Variants in ZNF609 observed in about 807,000 individuals in gnomAD.
The protein encoded by ZNF609 is zinc finger protein 609.
A neutral mutation model predicts 109.5 loss-of-function variants in ZNF609; 11 were observed. The ratio of observed to expected loss-of-function variants is 0.10; its 90% CI spans 0.06 to 0.17. The LOEUF (loss-of-function observed/expected upper bound fraction) is 0.17, where lower values mean the gene tolerates loss of function less well. Among genes scored for constraint, ZNF609 ranks in the 10% least tolerant of loss-of-function variants. ZNF609 has a pLI of 1.00. For missense variants in ZNF609, 1,559 were observed against 1,772.4 expected (o/e 0.88, Z 2.16); for synonymous variants, 646 against 662.0 (o/e 0.98, Z 0.37).
At chr15:64,494,044 G>C (rs1486517202) in intron 1 of ZNF609, among the ~76,000 whole-genome samples, 1 of 152,186 alleles carries the variant, frequency 6.6e-6, no homozygotes, top group Non-Finnish European at 1.5e-5. Context: ...TGGAAACCTA[G>C]ATTTCTGAAA....
At chr15:64,571,784 C>T (rs914132330) in intron 2 of ZNF609, among the ~76,000 whole-genome samples, 1 of 152,156 alleles carries the variant, frequency 6.6e-6, no homozygotes, top group Non-Finnish European at 1.5e-5. Flanking sequence ...GTTCTCCTGC[C>T]TCAGCCTCCC....
chr15:64,613,666 T>C (rs113466512), intron 2 of ZNF609, among the ~76,000 whole-genome samples: 7,315 of 152,142 alleles, frequency 0.048, 234 homozygotes, highest in South Asian at 0.086. Flanking sequence ...TTCTCCTGCC[T>C]CAGCCTCCCG....
chr15:64,598,742 G>GTGTGTA (rs1477685716), intron 2 of ZNF609, among the ~76,000 whole-genome samples: 1 of 60,276 alleles, frequency 1.7e-5, no homozygotes, highest in African/African-American at 6.5e-5. Flanking sequence ...CTTTGTGTGT[G>GTGTGTA]TATATATATA....
chr15:64,548,082 T>A (rs1256075017), intron 2 of ZNF609, among the ~76,000 whole-genome samples: 1 of 152,230 alleles, frequency 6.6e-6, no homozygotes, highest in Non-Finnish European at 1.5e-5. Context: ...AACTGAATTG[T>A]CTAATTTGCA....
chr15:64,470,556 C>T (rs976058613), intron 1 of ZNF609: 1 of 151,892 alleles, frequency 6.6e-6, no homozygotes, highest in African/African-American at 2.4e-5. Flanking sequence ...TGAAGTCGCT[C>T]TGTTGCCCAG....
intron 3 of ZNF609, among the ~76,000 whole-genome samples, chr15:64,656,462 A>G: frequency 6.6e-6 from 1 of 151,946 alleles, no homozygotes; most frequent in East Asian, 1.9e-4. Flanking sequence ...CTTTTTCCAT[A>G]TCTCCTTCCT....
At chr15:64,511,807 T>C (rs1324341995) in intron 2 of ZNF609, among the ~76,000 whole-genome samples, 1 of 151,006 alleles carries the variant, frequency 6.6e-6, no homozygotes. Flanking sequence ...CTCTGCCTCC[T>C]GGGTTCAAGT....
intron 3 of ZNF609, 72 bp downstream of exon 3, chr15:64,623,124 T>C: frequency 7.0e-7 from 1 of 1,435,880 alleles, no homozygotes; most frequent in Non-Finnish European, 9.8e-7. Context: ...GGACTTATTG[T>C]TGTAAATATT....
At chr15:64,668,350 A>AG (rs1033265829) in intron 3 of ZNF609, among the ~76,000 whole-genome samples, 2 of 152,218 alleles carry the variant, frequency 1.3e-5, no homozygotes, top group African/African-American at 4.8e-5. Context: ...GGAAGAAAGA[A>AG]GGCAGACCAG....
intron 2 of ZNF609, among the ~76,000 whole-genome samples, chr15:64,594,154 A>G (rs1199216942): frequency 6.6e-6 from 1 of 152,224 alleles, no homozygotes; most frequent in Non-Finnish European, 1.5e-5. Flanking sequence ...CAGGTAGCTG[A>G]AAGGGCACTG....
intron 1 of ZNF609, among the ~76,000 whole-genome samples, chr15:64,468,605 GCA>G (rs1184623855): frequency 4.3e-4 from 65 of 152,060 alleles, no homozygotes; most frequent in African/African-American, 1.5e-3. Context: ...GTGTGCCACT[GCA>G]CTCCAGTCTG....
intron 2 of ZNF609, among the ~76,000 whole-genome samples, chr15:64,590,729 C>T (rs2140937832): frequency 6.6e-6 from 1 of 151,768 alleles, no homozygotes; most frequent in East Asian, 1.9e-4. Flanking sequence ...TCATGTAACC[C>T]AGGAAAGGAA....
intron 1 of ZNF609, among the ~76,000 whole-genome samples, chr15:64,479,284 A>G (rs72741349): frequency 6.6e-4 from 57 of 86,528 alleles, no homozygotes; most frequent in Non-Finnish European, 7.5e-4. Context: ...TACCTGTGTG[A>G]TTTTTTTTTT....
intron 4 of ZNF609, among the ~76,000 whole-genome samples, chr15:64,672,376 G>A (rs543166166): frequency 7.3e-5 from 11 of 150,658 alleles, no homozygotes; most frequent in African/African-American, 2.4e-4. Context: ...TGTAATCCCA[G>A]CACTTTGGGA....
rs185313520 is a variant in ZNF609 at position 64,646,617 on chromosome 15, G to A, written c.973+23565G>A. Among the ~76,000 whole-genome samples, 390 of 90,066 alleles carry A rather than the reference G, an allele frequency of 4.3e-3. 1 individual carries two copies. Among genetic ancestry groups the A allele is most frequent in the African/African-American group, 0.018 (372 of 21,082 alleles). The allele number at this position is 90,066 out of a possible 152,430, so 59.1% of individuals were successfully genotyped here. A position where few individuals can be genotyped will look rare whatever the true frequency, so the allele number is the denominator to read the frequency against. ...CCACTGCACTCCAGCCTGCACAATGGAAACAAGACTCCATCTCAAAAAAAA... is the reference window on the plus strand; with the variant it reads ...CCACTGCACTCCAGCCTGCACAATGAAAACAAGACTCCATCTCAAAAAAAA... On this transcript the variant is annotated intron_variant, in intron 3 of 9. Coordinates refer to ENST00000326648, the MANE Select transcript of ZNF609 (RefSeq NM_015042.2).
At chr15:64,651,434 A>AATT (rs1433444284) in intron 3 of ZNF609, among the ~76,000 whole-genome samples, 1 of 152,202 alleles carries the variant, frequency 6.6e-6, no homozygotes, top group African/African-American at 2.4e-5. Context: ...CTTTTGGCTA[A>AATT]ATTATAGAGC....
intron 3 of ZNF609, among the ~76,000 whole-genome samples, chr15:64,667,507 G>A (rs1049923145): frequency 2.6e-5 from 4 of 152,078 alleles, no homozygotes; most frequent in East Asian, 1.9e-4. Flanking sequence ...TCGGGAGTTC[G>A]AGACCGGCCT....
At chr15:64,524,308 G>A (rs544090366) in intron 2 of ZNF609, among the ~76,000 whole-genome samples, 3 of 152,358 alleles carry the variant, frequency 2.0e-5, no homozygotes, top group South Asian at 2.1e-4. Context: ...GCTCACGCCT[G>A]TAATCCCAGC....
chr15:64,589,253 C>G (rs1895254432), intron 2 of ZNF609, among the ~76,000 whole-genome samples: 1 of 152,110 alleles, frequency 6.6e-6, no homozygotes, highest in Non-Finnish European at 1.5e-5. Context: ...TAGCCAACTT[C>G]TGACCTGTTC....
Sources: allele counts gnomAD v4.1 joint callset (sites outside exome capture counted in the v4.1 genomes callset), GRCh38; gene constraint gnomAD v4.1.1; transcripts MANE v1.5; gene names NCBI Gene and HGNC (gene_info 2026-07-23, HGNC 2026-07-21).